The following ATP2B4 variants were observed in gnomAD, a reference collection of about 807,000 sequenced individuals.
The protein encoded by ATP2B4 is ATPase plasma membrane Ca2+ transporting 4.
Under a neutral mutation model 110.3 loss-of-function variants are expected in ATP2B4, and 39 were observed. The observed-to-expected ratio is 0.35, with a 90% CI of 0.27 to 0.46. The LOEUF (loss-of-function observed/expected upper bound fraction) is 0.46, where lower values mean the gene tolerates loss of function less well. Among genes scored for constraint, ATP2B4 ranks in the 20% least tolerant of loss-of-function variants. The pLI is 1.00. For synonymous variants in ATP2B4, 538 were observed against 571.7 expected (o/e 0.94, Z 0.84); for missense variants, 1,135 against 1,530.9 (o/e 0.74, Z 4.32).
At chr1:203,634,343 T>G (rs1663371565) in intron 1 of ATP2B4, among the ~76,000 whole-genome samples, 1 of 152,198 alleles carries the variant, frequency 6.6e-6, no homozygotes, top group South Asian at 2.1e-4. Context: ...AACATTATCT[T>G]TATTTACCTA....
At chr1:203,670,510 A>G (rs923400738) in intron 1 of ATP2B4, among the ~76,000 whole-genome samples, 1 of 152,380 alleles carries the variant, frequency 6.6e-6, no homozygotes. Context: ...GAAGAGAAGC[A>G]CAGCTTATCT....
chr1:203,663,779 T>C (rs1221556302), intron 1 of ATP2B4, among the ~76,000 whole-genome samples: 6 of 152,124 alleles, frequency 3.9e-5, no homozygotes, highest in Non-Finnish European at 8.8e-5. Context: ...TAATTTTTTA[T>C]TTTTTGTAGA....
intron 1 of ATP2B4, among the ~76,000 whole-genome samples, chr1:203,631,318 G>C (rs1471513691): frequency 6.6e-6 from 1 of 152,232 alleles, no homozygotes; most frequent in African/African-American, 2.4e-5. Flanking sequence ...ACTCACCTCT[G>C]CTCTAGTTTC....
intron 1 of ATP2B4, chr1:203,656,908 A>G (rs1009806555): frequency 1.4e-5 from 8 of 587,230 alleles, no homozygotes; most frequent in Non-Finnish European, 2.2e-5. Flanking sequence ...GAAACATTAC[A>G]GTAATGGCAG....
At position 203,712,155 on chromosome 1, in the gene ATP2B4, G is replaced by C; in HGVS notation, c.2211+16G>C. 2 of 1,612,002 alleles carry C rather than the reference G, an allele frequency of 1.2e-6. No individual in the cohort carries two copies. The highest frequency in any genetic ancestry group is 1.1e-5 in the South Asian group (1 of 90,884). On this transcript the variant is annotated intron_variant, in intron 13 of 20. Coordinates refer to ENST00000357681, the MANE Select transcript of ATP2B4 (RefSeq NM_001684.5). ...GAAAGGCGAGGTGGGTCCTGGCTAG[G>C]GGGAACCAGGACCTCACCTGACAAG...
At chr1:203,729,783 T>C in intron 20 of ATP2B4, 1 of 1,322,874 alleles carries the variant, frequency 7.6e-7, no homozygotes, top group Non-Finnish European at 1.0e-6. Flanking sequence ...GTCCGGGCAC[T>C]GCCTGGAGCT....
At chr1:203,647,714 G>A (rs577784087) in intron 1 of ATP2B4, among the ~76,000 whole-genome samples, 25 of 151,912 alleles carry the variant, frequency 1.6e-4, no homozygotes, top group Non-Finnish European at 3.1e-4. Flanking sequence ...AACCAAGATC[G>A]TGCCACTGTA....
chr1:203,709,158 A>T (rs1489274369), intron 10 of ATP2B4, 143 bp from the exon 11 acceptor site: 7 of 1,231,858 alleles, frequency 5.7e-6, no homozygotes, highest in Non-Finnish European at 7.7e-6. Flanking sequence ...CTCCATCTCC[A>T]AAAAAGAAAA....
chr1:203,711,066 C>T lies in ATP2B4; in HGVS notation c.1989C>T (p.Thr663=), dbSNP rs142563502. The T allele has an allele frequency of 9.3e-5, 150 of 1,614,154 alleles. No individual in the cohort carries two copies. The African/African-American group carries it at 1.6e-3, about 18-fold the overall frequency. ...DNENEILTEL[T]CIAVVGIEDP... ...AGAATGAGATCCTCACCGAACTGAC[C>T]TGTATCGCGGTGGTGGGCATTGAGG... The change falls in exon 12 of 21, where the codon ACC becomes ACT. Residue 663 remains threonine, a synonymous_variant. Transcript: ENST00000357681.
chr1:203,730,509 A>C (rs1007613256), intron 20 of ATP2B4, among the ~76,000 whole-genome samples: 1 of 152,058 alleles, frequency 6.6e-6, no homozygotes, highest in Non-Finnish European at 1.5e-5. Context: ...CTCTTTCCAA[A>C]ATAACCTGTC....
rs1184887718 is a variant in ATP2B4, at chr1:203,672,939, T to TA, written c.-464-9796dup. Among the ~76,000 whole-genome samples the TA allele has an allele frequency of 4.6e-5, 7 of 152,168 alleles. No homozygotes were observed. In the South Asian group the frequency reaches 1.0e-3, roughly 23 times the overall value. ...CTCTCAAGTCTGTTTTCTCAAAGAC[T>TA]AAAAAAATGTGGGCTTTTTCAGGGC... is the stretch of plus-strand genomic sequence containing the variant. On this transcript the variant is annotated intron_variant, in intron 1 of 20. Coordinates refer to ENST00000357681, the MANE Select transcript of ATP2B4 (RefSeq NM_001684.5).
intron 15 of ATP2B4, among the ~76,000 whole-genome samples, chr1:203,719,385 G>A (rs1666255234): frequency 6.6e-6 from 1 of 151,682 alleles, no homozygotes; most frequent in Non-Finnish European, 1.5e-5. Context: ...TGTCGTTTTT[G>A]GTGTATTCTT....
At chr1:203,686,904 A>G (rs1571722623) in intron 2 of ATP2B4, among the ~76,000 whole-genome samples, 1 of 150,052 alleles carries the variant, frequency 6.7e-6, no homozygotes. Flanking sequence ...CATGTTGGCC[A>G]GGCTGGTCTC....
intron 16 of ATP2B4, 122 bp downstream of exon 16, chr1:203,720,862 G>A: frequency 8.4e-7 from 1 of 1,187,138 alleles, no homozygotes; most frequent in Non-Finnish European, 1.2e-6. Flanking sequence ...CATTGGGACA[G>A]GAGTTAGCTC....
At chr1:203,698,962 A>G (rs1665612809) in intron 3 of ATP2B4, among the ~76,000 whole-genome samples, 1 of 152,110 alleles carries the variant, frequency 6.6e-6, no homozygotes, top group African/African-American at 2.4e-5. Context: ...CAACATAGAG[A>G]CAAGGTCTCA....
intron 1 of ATP2B4, among the ~76,000 whole-genome samples, chr1:203,660,108 A>C (rs1664292315): frequency 6.6e-6 from 1 of 151,272 alleles, no homozygotes; most frequent in African/African-American, 2.4e-5. Flanking sequence ...AAAGAAAGAA[A>C]GAAAGAAAGA....
rs142503775 is a variant in ATP2B4 at position 203,739,818 on chromosome 1, G to A, written c.3582G>A (p.Ser1194=). ...VDCNQVQLPQ[S]DSSLQSLETS... ...GCAACCAAGTGCAGCTCCCCCAGTC[G>A]GACAGCTCTCTACAGAGCCTAGAGA... Residue 1194 remains serine (S), a synonymous_variant, in exon 21 of 21, where the codon TCG becomes TCA. Coordinates refer to ENST00000357681, the MANE Select transcript of ATP2B4 (RefSeq NM_001684.5). 9.0e-5 allele frequency: 145 copies of A among 1,613,992 alleles called. No individual in the cohort carries two copies. The African/African-American group carries it at 1.5e-3, about 16-fold the overall frequency.
chr1:203,649,086 C>T lies in ATP2B4; in HGVS notation c.-465+21867C>T, dbSNP rs143396688. 6.0e-4 allele frequency among the ~76,000 whole-genome samples: 91 copies of T among 152,210 alleles called. No individual in the cohort carries two copies. The East Asian group carries it at 0.014, about 23-fold the overall frequency. ...TGGAGTGCCTACAAATATACAGATT[C>T]GTATTTATGGAGATTTTTGCATGGG... On this transcript the variant is annotated intron_variant, in intron 1 of 20. Coordinates refer to ENST00000357681, the MANE Select transcript of ATP2B4 (RefSeq NM_001684.5).
intron 2 of ATP2B4, among the ~76,000 whole-genome samples, chr1:203,696,114 A>G (rs12069615): frequency 0.028 from 4,261 of 151,910 alleles, 221 homozygotes; most frequent in African/African-American, 0.098. Flanking sequence ...TTTAGTAGAG[A>G]TGAGGTTTCA....
Sources: allele counts gnomAD v4.1 joint callset (sites outside exome capture counted in the v4.1 genomes callset), GRCh38; gene constraint gnomAD v4.1.1; transcripts MANE v1.5; gene names NCBI Gene and HGNC (gene_info 2026-07-23, HGNC 2026-07-21).